Variants in GPC5 observed in about 807,000 individuals in gnomAD.
GPC5 encodes glypican 5, also known as glypican-5.
GPC5 carries 47 observed loss-of-function variants against 53.9 expected under a neutral mutation model. The ratio of observed to expected loss-of-function variants is 0.87; its 90% CI spans 0.69 to 1.11. GPC5 has a LOEUF of 1.11. GPC5 is among the 50% of genes most tolerant of loss of function. The probability of loss-of-function intolerance (pLI) is 0.00; values close to 1 mark genes in which losing one functional copy is unlikely to be tolerated. For missense variants in GPC5, 748 were observed against 713.1 expected, an observed-to-expected ratio of 1.05 and a Z score of -0.56; for synonymous variants, 286 against 263.3, an observed-to-expected ratio of 1.09 and a Z score of -0.84.
At chr13:92,679,208 G>A (rs1887041671) in intron 7 of GPC5, among the ~76,000 whole-genome samples, 1 of 152,110 alleles carries the variant, frequency 6.6e-6, no homozygotes, top group African/African-American at 2.4e-5. Flanking sequence ...TATATTTCAA[G>A]CATCATGCTA....
intron 7 of GPC5, among the ~76,000 whole-genome samples, chr13:92,408,653 CAT>C (rs67156658): frequency 1.4e-5 from 2 of 147,018 alleles, no homozygotes; most frequent in Admixed American, 6.8e-5. Context: ...CACACACACA[CAT>C]ATAATACATA....
intron 2 of GPC5, among the ~76,000 whole-genome samples, chr13:91,499,313 T>C (rs935283191): frequency 6.6e-6 from 1 of 152,092 alleles, no homozygotes; most frequent in Non-Finnish European, 1.5e-5. Flanking sequence ...TGTGTTTAGA[T>C]TTTGGGAGAC....
At chr13:91,881,920 A>AATC (rs2138951003) in intron 5 of GPC5, among the ~76,000 whole-genome samples, 1 of 152,242 alleles carries the variant, frequency 6.6e-6, no homozygotes, top group South Asian at 2.1e-4. Flanking sequence ...AAAACTTAAA[A>AATC]ATCAGGGAGT....
chr13:92,118,853 T>A (rs964976642), intron 6 of GPC5, among the ~76,000 whole-genome samples: 4 of 152,240 alleles, frequency 2.6e-5, no homozygotes, highest in South Asian at 2.1e-4. Flanking sequence ...CAAATATTTT[T>A]AAATAATTTT....
intron 3 of GPC5, among the ~76,000 whole-genome samples, chr13:91,722,945 G>T (rs2036504613): frequency 6.6e-6 from 1 of 152,116 alleles, no homozygotes; most frequent in Admixed American, 6.5e-5. Flanking sequence ...TAAAGGCAGT[G>T]CTTTATGGAG....
chr13:92,145,616 T>C (rs948003794), intron 7 of GPC5, among the ~76,000 whole-genome samples: 11 of 152,140 alleles, frequency 7.2e-5, no homozygotes, highest in African/African-American at 1.4e-4. Context: ...TTCCTGATTA[T>C]CACATACAAG....
intron 7 of GPC5, among the ~76,000 whole-genome samples, chr13:92,744,390 G>A (rs182521653): frequency 6.6e-6 from 1 of 152,020 alleles, no homozygotes; most frequent in Non-Finnish European, 1.5e-5. Context: ...TGGTATAAGA[G>A]CGATTTGGAA....
chr13:92,139,703 T>C (rs1039469418), intron 6 of GPC5, among the ~76,000 whole-genome samples: 13 of 145,842 alleles, frequency 8.9e-5, no homozygotes, highest in Non-Finnish European at 1.4e-4. Context: ...ATTTAGAATA[T>C]ACTGAATTAA....
At chr13:92,385,689 A>G (rs959923380) in intron 7 of GPC5, among the ~76,000 whole-genome samples, 5 of 142,292 alleles carry the variant, frequency 3.5e-5, no homozygotes, top group African/African-American at 1.3e-4. Flanking sequence ...ACACACATAT[A>G]TACCTATATA....
intron 4 of GPC5, among the ~76,000 whole-genome samples, chr13:91,745,601 C>A (rs1472228869): frequency 2.6e-5 from 4 of 151,810 alleles, no homozygotes; most frequent in Admixed American, 1.3e-4. Context: ...GAGGGGAAAA[C>A]CTGGAATGAC....
At chr13:91,937,212 A>T (rs2039879372) in intron 6 of GPC5, among the ~76,000 whole-genome samples, 1 of 152,106 alleles carries the variant, frequency 6.6e-6, no homozygotes. Context: ...AAGGTGTCCC[A>T]TTAGCTTGGG....
At chr13:91,942,961 T>A (rs548062348) in intron 6 of GPC5, among the ~76,000 whole-genome samples, 1 of 152,268 alleles carries the variant, frequency 6.6e-6, no homozygotes, top group East Asian at 1.9e-4. Flanking sequence ...GCATAAATGA[T>A]AAATAATTAT....
intron 6 of GPC5, among the ~76,000 whole-genome samples, chr13:92,075,703 CTTA>C (rs1337690506): frequency 2.0e-5 from 3 of 152,068 alleles, no homozygotes; most frequent in African/African-American, 4.8e-5. Context: ...ATTTAACTGG[CTTA>C]TTATTATTTC....
intron 6 of GPC5, among the ~76,000 whole-genome samples, chr13:92,118,554 G>A (rs1417442792): frequency 6.6e-6 from 1 of 151,970 alleles, no homozygotes; most frequent in Non-Finnish European, 1.5e-5. Flanking sequence ...AAAAACAAAA[G>A]GATTATTTCT....
chr13:91,905,634 C>A (rs886897186), intron 5 of GPC5, among the ~76,000 whole-genome samples: 2 of 152,038 alleles, frequency 1.3e-5, no homozygotes, highest in Non-Finnish European at 2.9e-5. Flanking sequence ...TATATTATCT[C>A]AGGAAGAACT....
At chr13:91,964,291 C>T (rs1421708610) in intron 6 of GPC5, among the ~76,000 whole-genome samples, 1 of 152,082 alleles carries the variant, frequency 6.6e-6, no homozygotes, top group Admixed American at 6.5e-5. Context: ...GGAAAGAGAC[C>T]CCAGCAGGTT....
At chr13:92,060,291 G>T (rs2041112311) in intron 6 of GPC5, among the ~76,000 whole-genome samples, 1 of 151,900 alleles carries the variant, frequency 6.6e-6, no homozygotes, top group African/African-American at 2.4e-5. Context: ...GATGCCTTTT[G>T]TATTGAATAT....
chr13:91,717,090 G>A (rs1253187881), intron 3 of GPC5, among the ~76,000 whole-genome samples: 1 of 152,156 alleles, frequency 6.6e-6, no homozygotes, highest in Non-Finnish European at 1.5e-5. Context: ...TTGAGAGATC[G>A]AGAGCAATTT....
chr13:92,751,223 G>A (rs1212339571), intron 7 of GPC5, among the ~76,000 whole-genome samples: 1 of 138,736 alleles, frequency 7.2e-6, no homozygotes, highest in African/African-American at 2.6e-5. Flanking sequence ...TTTTTTGCCT[G>A]TGACAATGTG....
Sources: allele counts gnomAD v4.1 joint callset (sites outside exome capture counted in the v4.1 genomes callset), GRCh38; gene constraint gnomAD v4.1.1; transcripts MANE v1.5; gene names NCBI Gene and HGNC (gene_info 2026-07-23, HGNC 2026-07-21).